Variants in LPIN1 observed in about 807,000 individuals in gnomAD.
The protein encoded by LPIN1 is phosphatidate phosphatase LPIN1.
LPIN1 carries 71 observed loss-of-function variants against 107.5 expected under a neutral mutation model. The ratio of observed to expected loss-of-function variants is 0.66; its 90% CI spans 0.55 to 0.80. The LOEUF is 0.80. Ranked by LOEUF, LPIN1 falls within the 30% of genes least tolerant of loss-of-function variation. The pLI is 0.00. For missense variants in LPIN1, 1,043 were observed against 1,160.6 expected (o/e 0.90, Z 1.47); for synonymous variants, 445 against 452.6 (o/e 0.98, Z 0.21).
At chr2:11,729,829 A>T (rs1007719936) in intron 1 of LPIN1, among the ~76,000 whole-genome samples, 2 of 152,076 alleles carry the variant, frequency 1.3e-5, no homozygotes, top group African/African-American at 4.8e-5. Flanking sequence ...GTTTTCATTT[A>T]AATTCATTTT....
intron 1 of LPIN1, among the ~76,000 whole-genome samples, chr2:11,751,983 C>T (rs992110128): frequency 2.0e-5 from 3 of 152,176 alleles, no homozygotes; most frequent in African/African-American, 4.8e-5. Flanking sequence ...ATTTTATTAT[C>T]AGCCTCATAA....
chr2:11,767,206 T>C (rs1401251766), intron 2 of LPIN1, among the ~76,000 whole-genome samples: 1 of 152,174 alleles, frequency 6.6e-6, no homozygotes. Context: ...GATTGGTCCT[T>C]TGAGTTAAGT....
chr2:11,724,533 G>A (rs1664402970), exon 1 of LPIN1: 1 of 985,606 alleles, frequency 1.0e-6, no homozygotes, highest in Non-Finnish European at 1.2e-6. Flanking sequence ...TCCACCAGGA[G>A]ACCCAGGTTC....
At chr2:11,793,769 A>G (rs1000472615) in intron 13 of LPIN1, among the ~76,000 whole-genome samples, 1 of 152,134 alleles carries the variant, frequency 6.6e-6, no homozygotes, top group Admixed American at 6.5e-5. Context: ...AAATTTTGTC[A>G]TAGTTGATAA....
At chr2:11,716,685 G>A (rs1558744998) in intron 2 of LPIN1, among the ~76,000 whole-genome samples, 1 of 152,152 alleles carries the variant, frequency 6.6e-6, no homozygotes, top group East Asian at 1.9e-4. Flanking sequence ...ATTCTCCATG[G>A]ACTGGAGACA....
intron 17 of LPIN1, among the ~76,000 whole-genome samples, chr2:11,807,586 G>A (rs1300454588): frequency 6.7e-6 from 1 of 149,240 alleles, no homozygotes; most frequent in Non-Finnish European, 1.5e-5. Context: ...AAATAAAGCT[G>A]TGTGGCTTAC....
intron 6 of LPIN1, 114 bp from the exon 7 acceptor site, chr2:11,779,405 G>A: frequency 1.7e-6 from 2 of 1,148,588 alleles, no homozygotes; most frequent in Non-Finnish European, 2.6e-6. Context: ...TCCGCTCAGA[G>A]CGAACGACAG....
intron 1 of LPIN1, among the ~76,000 whole-genome samples, chr2:11,695,516 G>A (rs1001942458): frequency 3.0e-4 from 46 of 152,270 alleles, no homozygotes; most frequent in African/African-American, 1.0e-3. Context: ...GCAAGAGAAG[G>A]CATCTAGAGA....
chr2:11,710,078 C>T (rs922800601), intron 1 of LPIN1, among the ~76,000 whole-genome samples: 4 of 152,140 alleles, frequency 2.6e-5, no homozygotes, highest in Non-Finnish European at 5.9e-5. Context: ...AGTACATTTT[C>T]CATCTGACTC....
chr2:11,732,710 A>G (rs1398356565), intron 1 of LPIN1, among the ~76,000 whole-genome samples: 1 of 152,206 alleles, frequency 6.6e-6, no homozygotes, highest in Non-Finnish European at 1.5e-5. Context: ...TCCAAGATGC[A>G]TGTGTCTTGT....
In LPIN1 at chr2:11,779,541, AC is replaced by A; in HGVS notation, c.854del (p.Thr285AsnfsTer42). Reference sequence around the variant, plus strand: ...AAGTCCTTCCGGTTCCCGACCTTCAACACCTAAAAGTGATTCAGAATTGGTC... The same window carrying A: ...AAGTCCTTCCGGTTCCCGACCTTCAAACCTAAAAGTGATTCAGAATTGGTC... Reference protein sequence around the residue: ...SESPSGSRPSTPKSDSELVSK... With the variant: ...SESPSGSRPSXPKSDSELVSK... On this transcript the variant is annotated frameshift_variant, in exon 7 of 21. Transcript: ENST00000674199. LOFTEE classifies it high-confidence loss of function. 6.2e-7 allele frequency: 1 copy of A among 1,613,936 alleles called. No homozygotes were observed. The highest frequency in any genetic ancestry group is 8.5e-7 in the Non-Finnish European group (1 of 1,180,010).
At chr2:11,683,370 C>T (rs2148501092) in intron 1 of LPIN1, 1 of 152,304 alleles carries the variant, frequency 6.6e-6, no homozygotes, top group East Asian at 1.9e-4. Context: ...TAAACATGCT[C>T]AAGTGTATGG....
chr2:11,712,160 C>A (rs985813211), intron 1 of LPIN1, among the ~76,000 whole-genome samples: 4 of 152,242 alleles, frequency 2.6e-5, no homozygotes, highest in African/African-American at 9.6e-5. Flanking sequence ...CTTATGCCCA[C>A]TGCATGTGCT....
intron 1 of LPIN1, among the ~76,000 whole-genome samples, chr2:11,728,707 T>C (rs930695926): frequency 1.3e-5 from 2 of 151,756 alleles, no homozygotes; most frequent in African/African-American, 2.4e-5. Context: ...ATCTGTTCTT[T>C]GTTTTTTTTC....
At chr2:11,770,765 G>GT (rs1435692489) in intron 3 of LPIN1, among the ~76,000 whole-genome samples, 4 of 152,178 alleles carry the variant, frequency 2.6e-5, no homozygotes, top group Non-Finnish European at 5.9e-5. Context: ...GACAGGTTGT[G>GT]TTTTTTCCTT....
chr2:11,760,397 G>A (rs1253015976), intron 1 of LPIN1, among the ~76,000 whole-genome samples: 1 of 152,252 alleles, frequency 6.6e-6, no homozygotes, highest in Non-Finnish European at 1.5e-5. Flanking sequence ...GCAACATTGA[G>A]CACTGAGTGA....
At chr2:11,738,157 T>C (rs1030987148) in intron 1 of LPIN1, among the ~76,000 whole-genome samples, 1 of 152,028 alleles carries the variant, frequency 6.6e-6, no homozygotes, top group African/African-American at 2.4e-5. Context: ...ACACCGCATG[T>C]TCTCACTCAT....
rs1678105967 is a variant in LPIN1 at position 11,803,280 on chromosome 2, A to T, written c.2013+247A>T. The stretch of plus-strand genomic sequence containing the variant: ...CTGGCCCTGGAGGATCTAGTTTACT[A>T]GAGTTAGGAGGAAGGCAGCCTGGCG... On this transcript the variant is annotated intron_variant, in intron 15 of 20. Coordinates refer to ENST00000674199, the MANE Select transcript of LPIN1 (RefSeq NM_001349206.2). The surrounding 1 kb of genome is among the most constrained non-coding windows in gnomAD (Gnocchi z 4.2). Among the ~76,000 whole-genome samples, 1 of 152,196 alleles carries T rather than the reference A, an allele frequency of 6.6e-6. No homozygotes were observed. The highest frequency in any genetic ancestry group is 6.5e-5 in the Admixed American group (1 of 15,276).
intron 1 of LPIN1, among the ~76,000 whole-genome samples, chr2:11,759,714 T>G (rs1192774135): frequency 1.3e-5 from 2 of 152,146 alleles, no homozygotes; most frequent in South Asian, 2.1e-4. Flanking sequence ...CCAGACGGGG[T>G]GGCGGCCGGG....
Sources: gnomAD v4.1 joint callset for allele counts (sites outside exome capture counted in the v4.1 genomes callset) on GRCh38, gnomAD v4.1.1 for gene constraint, Gnocchi (gnomAD v3.1) non-coding constraint, MANE v1.5 for transcripts, NCBI Gene and HGNC (gene_info 2026-07-23, HGNC 2026-07-21) for gene names.